Variants in SLC6A11 observed in about 807,000 individuals in gnomAD.
SLC6A11 encodes solute carrier family 6 member 11.
SLC6A11 carries 25 observed loss-of-function variants against 74.8 expected under a neutral mutation model. That is an observed-to-expected ratio of 0.33 (90% CI 0.24 to 0.47). The LOEUF is 0.47. Among genes scored for constraint, SLC6A11 ranks in the 20% least tolerant of loss-of-function variants. SLC6A11 has a pLI of 1.00. For synonymous variants in SLC6A11, 330 were observed against 330.2 expected, an observed-to-expected ratio of 1.00 and a Z score of 0.01; for missense variants, 574 against 837.0, an observed-to-expected ratio of 0.69 and a Z score of 3.88.
intron 8 of SLC6A11, among the ~76,000 whole-genome samples, chr3:10,923,051 A>C (rs191204451): frequency 3.3e-5 from 5 of 152,158 alleles, no homozygotes; most frequent in African/African-American, 1.2e-4. Flanking sequence ...TTTTATTGGA[A>C]TTGGAAGTAT....
intron 8 of SLC6A11, among the ~76,000 whole-genome samples, chr3:10,925,667 C>G (rs1695594646): frequency 6.6e-6 from 1 of 152,180 alleles, no homozygotes; most frequent in Admixed American, 6.5e-5. Context: ...GCTGGGTAGG[C>G]CTGAGAATCT....
chr3:10,925,979 G>T, intron 8 of SLC6A11, 25 bp from the exon 9 acceptor site: 1 of 1,359,162 alleles, frequency 7.4e-7, no homozygotes, highest in South Asian at 1.2e-5. Flanking sequence ...CCACCCAGTG[G>T]CTTTCTCTCT....
chr3:10,822,714 G>A (rs1320088033), intron 3 of SLC6A11, among the ~76,000 whole-genome samples: 1 of 152,190 alleles, frequency 6.6e-6, no homozygotes, highest in Non-Finnish European at 1.5e-5. Context: ...CAAATTTCGT[G>A]AAATGAGAAG....
At chr3:10,873,570 C>T (rs1575684320) in intron 5 of SLC6A11, among the ~76,000 whole-genome samples, 1 of 150,338 alleles carries the variant, frequency 6.7e-6, no homozygotes, top group Non-Finnish European at 1.5e-5. Context: ...CTACCCTACC[C>T]TACCCTACCC....
At chr3:10,870,023 A>G (rs189727509) in intron 5 of SLC6A11, among the ~76,000 whole-genome samples, 1 of 152,126 alleles carries the variant, frequency 6.6e-6, no homozygotes, top group East Asian at 1.9e-4. Flanking sequence ...GGGGCAGACA[A>G]TACCCTCTGC....
At chr3:10,921,776 G>A (rs1026039458) in intron 8 of SLC6A11, among the ~76,000 whole-genome samples, 1 of 152,026 alleles carries the variant, frequency 6.6e-6, no homozygotes, top group African/African-American at 2.4e-5. Context: ...AAGTATAAAA[G>A]AATGGGAAAA....
At chr3:10,912,278 C>A in intron 7 of SLC6A11, 85 bp downstream of exon 7, 1 of 927,862 alleles carries the variant, frequency 1.1e-6, no homozygotes, top group Non-Finnish European at 1.8e-6. Flanking sequence ...TTTGTCTGCC[C>A]ACCTTGCAGG....
At chr3:10,869,173 A>T (rs967844448) in intron 5 of SLC6A11, among the ~76,000 whole-genome samples, 1 of 152,198 alleles carries the variant, frequency 6.6e-6, no homozygotes, top group Non-Finnish European at 1.5e-5. Flanking sequence ...TATTGTAAAA[A>T]TCTTAAACTT....
At chr3:10,909,646 G>A (rs950486218) in intron 6 of SLC6A11, among the ~76,000 whole-genome samples, 1 of 152,204 alleles carries the variant, frequency 6.6e-6, no homozygotes, top group African/African-American at 2.4e-5. Context: ...AAGTGTGACT[G>A]GAGGCCCAGT....
At position 10,918,305 on chromosome 3, in the gene SLC6A11, G is replaced by C; in HGVS notation, c.996-24G>C. 6 of 1,568,048 alleles carry C rather than the reference G, an allele frequency of 3.8e-6. No homozygotes were observed. The highest frequency in any genetic ancestry group is 1.2e-5 in the South Asian group (1 of 84,686). On this transcript the variant is annotated intron_variant, in intron 7 of 13. Coordinates refer to ENST00000254488, the MANE Select transcript of SLC6A11 (RefSeq NM_014229.3). This position sits in a 1 kb window ranked among gnomAD's most constrained non-coding sequence, Gnocchi z 4.5. ...ACCGGTTCTGCCCGCTCTGACCCTA[G>C]TGCCTCTCGCTGCTTCCCCACAGGG... is the stretch of plus-strand genomic sequence containing the variant.
At position 10,823,333 on chromosome 3, in the gene SLC6A11, G is replaced by A. The variant is rs772641402; in HGVS notation, c.564G>A (p.Val188=). 8 of 1,613,736 alleles carry A rather than the reference G, an allele frequency of 5.0e-6. No individual in the cohort carries two copies. Among genetic ancestry groups the A allele is most frequent in the Non-Finnish European group, 6.8e-6 (8 of 1,179,662 alleles). Residue 188 remains valine (V), a synonymous_variant, in exon 4 of 14, where the codon GTG becomes GTA. Transcript: ENST00000254488. ...GTGTGGAGTTCCAGAAACTGAATGTGAGCAACTACAGCCATGTGTCTCTGC... is the reference window on the plus strand; with the variant it reads ...GTGTGGAGTTCCAGAAACTGAATGTAAGCAACTACAGCCATGTGTCTCTGC... ...ENCVEFQKLN[V]SNYSHVSLQN... is the part of the protein sequence containing the mutation.
At chr3:10,905,165 C>T (rs1442201725) in intron 6 of SLC6A11, among the ~76,000 whole-genome samples, 1 of 152,192 alleles carries the variant, frequency 6.6e-6, no homozygotes, top group Non-Finnish European at 1.5e-5. Flanking sequence ...GTGAAATAGA[C>T]TTGGGATAAT....
At chr3:10,823,624 A>G in intron 4 of SLC6A11, 1 of 488,644 alleles carries the variant, frequency 2.0e-6, no homozygotes, top group Non-Finnish European at 3.7e-6. Context: ...GTCAGCATGC[A>G]TAGTGGGTTA....
chr3:10,817,931 C>T (rs1694084788), intron 1 of SLC6A11, among the ~76,000 whole-genome samples: 2 of 152,196 alleles, frequency 1.3e-5, no homozygotes, highest in South Asian at 2.1e-4. Flanking sequence ...GAAACCTGTG[C>T]ACACCTAGGG....
intron 5 of SLC6A11, among the ~76,000 whole-genome samples, chr3:10,850,416 A>T (rs1694558519): frequency 6.6e-6 from 1 of 152,172 alleles, no homozygotes; most frequent in South Asian, 2.1e-4. Context: ...CAGGCTGGGG[A>T]TTCTTTTCAA....
In SLC6A11 at chr3:10,912,310, G is replaced by A; in HGVS notation, c.995+117G>A. 6 of 717,312 alleles carry A rather than the reference G, an allele frequency of 8.4e-6. No homozygotes were observed. In the South Asian group the frequency reaches 9.8e-5, roughly 12 times the overall value. The allele number at this position is 717,312 out of a possible 1,614,324, so 44.4% of individuals were successfully genotyped here. A position where few individuals can be genotyped will look rare whatever the true frequency, so the allele number is the denominator to read the frequency against. ...CAGGGCCCCAGGAGGAGATAGATAG[G>A]CTGTTTGTTGGCCTCCCACTACCGA... On this transcript the variant is annotated intron_variant, in intron 7 of 13. Transcript: ENST00000254488.
intron 10 of SLC6A11, among the ~76,000 whole-genome samples, chr3:10,932,353 C>G (rs1435649560): frequency 6.6e-6 from 1 of 152,186 alleles, no homozygotes; most frequent in Non-Finnish European, 1.5e-5. Context: ...GGACCCAGCA[C>G]TGGACAAAGC....
intron 7 of SLC6A11, among the ~76,000 whole-genome samples, chr3:10,914,611 C>T (rs918108876): frequency 1.3e-5 from 2 of 152,106 alleles, no homozygotes; most frequent in Non-Finnish European, 2.9e-5. Context: ...CAATGAGATG[C>T]TAAAGACAGA....
At chr3:10,846,118 AGAGT>A (rs1015905594) in intron 5 of SLC6A11, among the ~76,000 whole-genome samples, 22 of 152,372 alleles carry the variant, frequency 1.4e-4, no homozygotes, top group East Asian at 9.6e-4. Context: ...CATGCTCAGC[AGAGT>A]GAGTAAGTAA....
Sources: gnomAD v4.1 joint callset for allele counts (sites outside exome capture counted in the v4.1 genomes callset) on GRCh38, gnomAD v4.1.1 for gene constraint, Gnocchi (gnomAD v3.1) non-coding constraint, MANE v1.5 for transcripts, NCBI Gene and HGNC (gene_info 2026-07-23, HGNC 2026-07-21) for gene names.